ANKRD62: variants seen among roughly 807,000 people sequenced by gnomAD.
The protein encoded by ANKRD62 is ankyrin repeat domain-containing protein 62.
A neutral mutation model predicts 98.8 loss-of-function variants in ANKRD62; 61 were observed. The observed-to-expected ratio is 0.62, with a 90% CI of 0.50 to 0.76. The LOEUF is 0.76. ANKRD62 is among the 30% of genes least tolerant of loss of function. The pLI, the probability that ANKRD62 is intolerant of heterozygous loss-of-function variation, is 0.00. For missense variants in ANKRD62, 933 were observed against 1,082.9 expected (o/e 0.86, Z 1.94); for synonymous variants, 341 against 367.9 (o/e 0.93, Z 0.84).
intron 2 of ANKRD62, 33 bp downstream of exon 2, chr18:12,095,318 G>A: frequency 1.3e-6 from 2 of 1,533,144 alleles, no homozygotes; most frequent in Non-Finnish European, 1.8e-6. Flanking sequence ...AGCATGGGAT[G>A]GATTTAATTT....
intron 10 of ANKRD62, among the ~76,000 whole-genome samples, chr18:12,120,588 T>C (rs1909763387): frequency 6.6e-6 from 1 of 152,186 alleles, no homozygotes; most frequent in Non-Finnish European, 1.5e-5. Context: ...AATCTGTCAG[T>C]CTGCATTTTA....
chr18:12,100,581 AT>A (rs1909279148), intron 6 of ANKRD62, among the ~76,000 whole-genome samples: 1 of 152,218 alleles, frequency 6.6e-6, no homozygotes, highest in East Asian at 1.9e-4. Flanking sequence ...TTCTGGTACC[AT>A]GAACAAACAT....
At chr18:12,133,461 G>A (rs1910036134), downstream of ANKRD62, among the ~76,000 whole-genome samples, 1 of 152,152 alleles carries the variant, frequency 6.6e-6, no homozygotes, top group Non-Finnish European at 1.5e-5. Context: ...GGAACTGTCA[G>A]GCTGTTATTC....
Position 12,125,681 on chromosome 18 carries a change from G to C in ANKRD62, c.1860G>C (p.Arg620=). 1 of 1,537,638 alleles carries C rather than the reference G, an allele frequency of 6.5e-7. No homozygotes were observed. Residue 620 remains arginine, a synonymous_variant, in exon 13 of 14, where the codon CGG becomes CGC. Transcript: ENST00000587848. The part of the protein sequence containing the change: ...NEEALTKTIT[R]YSKELNVLMD... Reference sequence around the variant, plus strand: ...AAGCATTAACAAAAACAATAACCCGGTATAGTAAAGAGCTTAATGTTCTGA... The same window carrying C: ...AAGCATTAACAAAAACAATAACCCGCTATAGTAAAGAGCTTAATGTTCTGA...
the ANKRD62 span, among the ~76,000 whole-genome samples, chr18:12,174,093 G>C: frequency 2.4e-4 from 37 of 152,184 alleles, no homozygotes; most frequent in South Asian, 6.2e-4. Context: ...TGTATTCCAA[G>C]TTGCTTCCAT....
chr18:12,150,273 A>G, the ANKRD62 span, among the ~76,000 whole-genome samples: 1 of 152,202 alleles, frequency 6.6e-6, no homozygotes, highest in Non-Finnish European at 1.5e-5. Context: ...ACCAAAAGAC[A>G]TGAACAAAAC....
chr18:12,167,949 A>G, the ANKRD62 span, among the ~76,000 whole-genome samples: 1 of 152,180 alleles, frequency 6.6e-6, no homozygotes, highest in South Asian at 2.1e-4. Flanking sequence ...CTATCTATTC[A>G]TATGCTTTGC....
chr18:12,178,599 C>A, the ANKRD62 span, among the ~76,000 whole-genome samples: 100 of 145,810 alleles, frequency 6.9e-4, 3 homozygotes, highest in South Asian at 0.022. Flanking sequence ...TAAATATAAT[C>A]GAGGTATATT....
the ANKRD62 span, among the ~76,000 whole-genome samples, chr18:12,140,448 C>T: frequency 6.6e-6 from 1 of 152,182 alleles, no homozygotes; most frequent in Non-Finnish European, 1.5e-5. Flanking sequence ...TCCGGTTTTT[C>T]TGCTCTGTTT....
chr18:12,146,522 C>T, the ANKRD62 span, among the ~76,000 whole-genome samples: 23 of 152,224 alleles, frequency 1.5e-4, no homozygotes, highest in Non-Finnish European at 2.5e-4. Flanking sequence ...CTCGGCTCAC[C>T]GCAACCTCCG....
At chr18:12,137,229 T>C in the ANKRD62 span, among the ~76,000 whole-genome samples, 14 of 152,156 alleles carry the variant, frequency 9.2e-5, no homozygotes, top group Admixed American at 7.2e-4. Context: ...CCCATCAATA[T>C]GTAATTTATT....
At chr18:12,167,721 A>G in the ANKRD62 span, among the ~76,000 whole-genome samples, 1 of 152,218 alleles carries the variant, frequency 6.6e-6, no homozygotes, top group South Asian at 2.1e-4. Context: ...ACCGTCTTCC[A>G]CAATGGTTGA....
In ANKRD62 at chr18:12,107,367, G is replaced by T; in HGVS notation, c.964G>T (p.Asp322Tyr). The T allele has an allele frequency of 6.6e-7, 1 of 1,522,616 alleles. No homozygotes were observed. The highest frequency in any genetic ancestry group is 1.2e-5 in the South Asian group (1 of 81,468). The allele number at this position is 1,522,616 out of a possible 1,614,324, so 94.3% of individuals were successfully genotyped here. A position where few individuals can be genotyped will look rare whatever the true frequency, so the allele number is the denominator to read the frequency against. ...VSRNVHADDS[D>Y]NYNDDVDELI... ...AAGAAACGTACATGCTGATGACAGT[G>T]ACAATTATAATGATGATGTTGATGA... Residue 322 changes from aspartate (D) to tyrosine (Y), a missense_variant, in exon 8 of 14, where the codon GAC becomes TAC. Asp to Tyr is a radical substitution (Grantham distance 160, BLOSUM62 -3). Coordinates refer to ENST00000587848, the MANE Select transcript of ANKRD62 (RefSeq NM_001277333.2).
At chr18:12,105,118 A>G (rs1909385291) in intron 7 of ANKRD62, among the ~76,000 whole-genome samples, 1 of 152,226 alleles carries the variant, frequency 6.6e-6, no homozygotes, top group African/African-American at 2.4e-5. Context: ...TGATCCAACA[A>G]GCCTTTTAGA....
chr18:12,119,283 G>C (rs544150668), intron 10 of ANKRD62, among the ~76,000 whole-genome samples: 2 of 150,786 alleles, frequency 1.3e-5, no homozygotes, highest in African/African-American at 4.9e-5. Context: ...TGATCAGCCA[G>C]GGTAAATAGA....
At chr18:12,130,756 G>C (rs957004024), downstream of ANKRD62, among the ~76,000 whole-genome samples, 1 of 151,748 alleles carries the variant, frequency 6.6e-6, no homozygotes, top group Non-Finnish European at 1.5e-5. Flanking sequence ...GAAGTGGTGT[G>C]ATCTCAGCTC....
Position 12,126,261 on chromosome 18 carries a change from A to G in ANKRD62, c.2440A>G (p.Thr814Ala). 1 of 1,536,084 alleles carries G rather than the reference A, an allele frequency of 6.5e-7. No homozygotes were observed. The highest frequency in any genetic ancestry group is 8.7e-7 in the Non-Finnish European group (1 of 1,146,816). Residue 814 changes from threonine to alanine, a missense_variant, in exon 13 of 14, where the codon ACT (threonine) becomes GCT (alanine). Thr to Ala is a moderately conservative substitution (Grantham distance 58, BLOSUM62 0). Coordinates refer to ENST00000587848, the MANE Select transcript of ANKRD62 (RefSeq NM_001277333.2). The part of the protein sequence containing the change: ...IINIQVKCED[T>A]VEKLQAECRK... ...TAATATCCAAGTCAAATGTGAAGATACTGTAGAAAAACTTCAAGCTGAGTG... is the reference window on the plus strand; with the variant it reads ...TAATATCCAAGTCAAATGTGAAGATGCTGTAGAAAAACTTCAAGCTGAGTG...
At chr18:12,107,237 GTTCT>G in intron 7 of ANKRD62, 54 bp from the exon 8 acceptor site, 4 of 1,269,874 alleles carry the variant, frequency 3.1e-6, no homozygotes, top group Non-Finnish European at 3.1e-6. Flanking sequence ...ACACAAAAAA[GTTCT>G]TTCTATTGGA....
chr18:12,178,249 G>A, the ANKRD62 span, among the ~76,000 whole-genome samples: 2 of 150,582 alleles, frequency 1.3e-5, no homozygotes, highest in Non-Finnish European at 2.9e-5. Flanking sequence ...TCCAAGAAAG[G>A]CAGATAGCAT....
Sources: allele counts gnomAD v4.1 joint callset (sites outside exome capture counted in the v4.1 genomes callset), GRCh38; gene constraint gnomAD v4.1.1; transcripts MANE v1.5; gene names NCBI Gene and HGNC (gene_info 2026-07-23, HGNC 2026-07-21).